Variants in SERPINA6 observed in about 807,000 individuals in gnomAD.
SERPINA6 encodes corticosteroid-binding globulin.
A neutral mutation model predicts 26.4 loss-of-function variants in SERPINA6; 19 were observed. That is an observed-to-expected ratio of 0.72 (90% CI 0.50 to 1.06). SERPINA6 has a LOEUF of 1.06. Ranked by LOEUF, SERPINA6 falls within the 50% of genes least tolerant of loss-of-function variation. The pLI is 0.00. For missense variants in SERPINA6, 473 were observed against 504.0 expected, an observed-to-expected ratio of 0.94 and a Z score of 0.59; for synonymous variants, 196 against 199.4, an observed-to-expected ratio of 0.98 and a Z score of 0.14.
intron 2 of SERPINA6, among the ~76,000 whole-genome samples, chr14:94,313,031 G>A (rs1895554036): frequency 6.6e-6 from 1 of 152,204 alleles, no homozygotes; most frequent in Admixed American, 6.5e-5. Context: ...AACATGTTAT[G>A]GCAAGATGAT....
intron 2 of SERPINA6, among the ~76,000 whole-genome samples, chr14:94,310,900 C>T (rs1433657854): frequency 2.0e-5 from 3 of 152,208 alleles, no homozygotes. Context: ...TGCCATTGAC[C>T]ACAAGCCCTG....
At position 94,311,381 on chromosome 14, in the gene SERPINA6, T is replaced by A. The variant is rs8006084; in HGVS notation, c.614-1375A>T. On this transcript the variant is annotated intron_variant, in intron 2 of 4. Transcript: ENST00000341584. ...ATTTTTCATTGTTAGGTTTTTTTCG[T>A]CCTTAACATTTTGCTGCTTGCTTTT... is the stretch of plus-strand genomic sequence containing the variant. 6.4e-3 allele frequency among the ~76,000 whole-genome samples: 976 copies of A among 152,348 alleles called. 10 individuals are homozygous for A. Among genetic ancestry groups the A allele is most frequent in the African/African-American group, 0.022 (918 of 41,580 alleles).
At chr14:94,313,892 AG>A (rs1434093723) in intron 2 of SERPINA6, 143 bp downstream of exon 2, 19 of 894,966 alleles carry the variant, frequency 2.1e-5, no homozygotes, top group Non-Finnish European at 3.2e-5. Context: ...CCTACCCAGC[AG>A]GATTGTGGTG....
rs1426136858 is a variant in SERPINA6, at chr14:94,309,925, G to T, written c.695C>A (p.Pro232His). The T allele has an allele frequency of 6.2e-7, 1 of 1,614,176 alleles. No individual in the cohort carries two copies. Residue 232 changes from proline (P) to histidine (H), a missense_variant, in exon 3 of 5, where the codon CCC becomes CAC. By Grantham distance (77) the Pro-to-His change is moderately conservative (BLOSUM62 -2). Coordinates refer to ENST00000341584, the MANE Select transcript of SERPINA6 (RefSeq NM_001756.4). ...YVDETTVVKV[P>H]MMLQSSTISY... ...GATGGTGCTCGACTGCAACATCATG[G>T]GCACCTTCACCACAGTTGTCTCGTC... is the stretch of plus-strand genomic sequence containing the variant.
At chr14:94,317,754 T>C (rs1895631939) in intron 1 of SERPINA6, among the ~76,000 whole-genome samples, 2 of 152,162 alleles carry the variant, frequency 1.3e-5, no homozygotes, top group African/African-American at 2.4e-5. Context: ...TTATACTCAA[T>C]AGTGAAAGAC....
chr14:94,308,812 C>T (rs1416777674), intron 3 of SERPINA6, among the ~76,000 whole-genome samples: 4 of 152,234 alleles, frequency 2.6e-5, no homozygotes, highest in African/African-American at 9.6e-5. Context: ...TCCACCCATC[C>T]ATCCGCTCAC....
chr14:94,317,329 C>T (rs1402388126), intron 1 of SERPINA6, among the ~76,000 whole-genome samples: 1 of 151,962 alleles, frequency 6.6e-6, no homozygotes, highest in Non-Finnish European at 1.5e-5. Flanking sequence ...TTCAACACAC[C>T]CTCGCATGAT....
At chr14:94,309,607 A>G in intron 3 of SERPINA6, 129 bp downstream of exon 3, 2 of 1,030,296 alleles carry the variant, frequency 1.9e-6, no homozygotes, top group Admixed American at 3.6e-5. Context: ...GGCCCAGCAG[A>G]CAGGAAAACT....
At chr14:94,319,467 C>A (rs1162307331) in intron 1 of SERPINA6, among the ~76,000 whole-genome samples, 2 of 152,160 alleles carry the variant, frequency 1.3e-5, no homozygotes, top group Non-Finnish European at 2.9e-5. Context: ...CACCAAAGAA[C>A]TGCAAGCAGC....
intron 1 of SERPINA6, among the ~76,000 whole-genome samples, chr14:94,319,631 A>G (rs548739170): frequency 6.6e-6 from 1 of 152,356 alleles, no homozygotes; most frequent in African/African-American, 2.4e-5. Flanking sequence ...TTCAACTTTA[A>G]AAAGGAATGA....
At chr14:94,322,135 T>C (rs1895692480) in intron 1 of SERPINA6, among the ~76,000 whole-genome samples, 1 of 152,234 alleles carries the variant, frequency 6.6e-6, no homozygotes, top group Non-Finnish European at 1.5e-5. Flanking sequence ...TAAGCCTAGA[T>C]GTCTGACATC....
intron 1 of SERPINA6, among the ~76,000 whole-genome samples, chr14:94,315,930 T>C (rs867532258): frequency 3.3e-5 from 5 of 152,192 alleles, no homozygotes; most frequent in Non-Finnish European, 5.9e-5. Context: ...TACATTAGCA[T>C]CCTAAAGTTA....
At chr14:94,317,421 G>A (rs1895627454) in intron 1 of SERPINA6, among the ~76,000 whole-genome samples, 1 of 152,192 alleles carries the variant, frequency 6.6e-6, no homozygotes, top group Admixed American at 6.5e-5. Flanking sequence ...TGGGAGAATG[G>A]GGTGGAGCTG....
chr14:94,317,538 C>T (rs745406887), intron 1 of SERPINA6, among the ~76,000 whole-genome samples: 8 of 152,178 alleles, frequency 5.3e-5, no homozygotes, highest in Non-Finnish European at 1.2e-4. Flanking sequence ...GTTAACAGGA[C>T]TCTCTCTTGC....
rs1421750648 is a variant in SERPINA6 at position 94,314,130 on chromosome 14, A to G, written c.519T>C (p.Tyr173=). Reference sequence around the variant, plus strand: ...TTTTCCCCTGTGTCTTATTCTTGACATAGCTGTTGATCTGTCTGCTGGCTG... The same window carrying G: ...TTTTCCCCTGTGTCTTATTCTTGACGTAGCTGTTGATCTGTCTGCTGGCTG... ...WATASRQINS[Y]VKNKTQGKIV... is the part of the protein sequence containing the mutation. Residue 173 remains tyrosine, a synonymous_variant, in exon 2 of 5, where the codon TAT becomes TAC. Coordinates refer to ENST00000341584, the MANE Select transcript of SERPINA6 (RefSeq NM_001756.4). 11 of 1,614,214 alleles carry G rather than the reference A, an allele frequency of 6.8e-6. No individual in the cohort carries two copies. The South Asian group carries it at 8.8e-5, about 13-fold the overall frequency.
At chr14:94,308,059 C>T (rs1895467570) in intron 3 of SERPINA6, among the ~76,000 whole-genome samples, 2 of 152,252 alleles carry the variant, frequency 1.3e-5, no homozygotes, top group African/African-American at 4.8e-5. Context: ...TTACTGCTGG[C>T]CCTGCATTGT....
rs1895409503 is a variant in SERPINA6, at chr14:94,304,598, G to A, written c.1038C>T (p.Val346=). The A allele has an allele frequency of 1.9e-6, 3 of 1,613,880 alleles. No homozygotes were observed. The African/African-American group carries it at 4.0e-5, about 22-fold the overall frequency. ...CATTGAGTTGCAGCACAGCTTTATGGACCACCTGTTAGGTACAGAATGAAG... is the reference window on the plus strand; with the variant it reads ...CATTGAGTTGCAGCACAGCTTTATGAACCACCTGTTAGGTACAGAATGAAG... ...QDAQLKSSKV[V]HKAVLQLNEE... Residue 346 remains valine (V), a synonymous_variant, in exon 5 of 5, where the codon GTC becomes GTT. Transcript: ENST00000341584.
intron 1 of SERPINA6, among the ~76,000 whole-genome samples, chr14:94,315,059 A>G (rs992441147): frequency 3.9e-5 from 6 of 152,240 alleles, no homozygotes; most frequent in African/African-American, 1.2e-4. Flanking sequence ...AAACACAATT[A>G]AAGCATTCCC....
intron 4 of SERPINA6, among the ~76,000 whole-genome samples, chr14:94,305,781 T>C (rs1467326530): frequency 2.0e-5 from 3 of 152,228 alleles, no homozygotes; most frequent in Non-Finnish European, 4.4e-5. Flanking sequence ...AGCTCTGCCA[T>C]GACAACTTGG....
Sources: gnomAD v4.1 joint callset for allele counts (sites outside exome capture counted in the v4.1 genomes callset) on GRCh38, gnomAD v4.1.1 for gene constraint, MANE v1.5 for transcripts, NCBI Gene and HGNC (gene_info 2026-07-23, HGNC 2026-07-21) for gene names.